IDUA: variants seen among roughly 807,000 people sequenced by gnomAD.
IDUA encodes alpha-L-iduronidase.
A neutral mutation model predicts 68.9 loss-of-function variants in IDUA; 65 were observed. That is an observed-to-expected ratio of 0.94 (90% CI 0.77 to 1.16). The LOEUF is 1.16. IDUA is among the 50% of genes most tolerant of loss of function. The probability of loss-of-function intolerance (pLI) is 0.00; values close to 1 mark genes in which losing one functional copy is unlikely to be tolerated. For missense variants in IDUA, 1,046 were observed against 938.0 expected, an observed-to-expected ratio of 1.12 and a Z score of -1.50; for synonymous variants, 529 against 433.6, an observed-to-expected ratio of 1.22 and a Z score of -2.73.
At chr4:988,134 A>G (rs1311241863) in intron 2 of IDUA, 185 bp downstream of exon 2, 12 of 1,410,102 alleles carry the variant, frequency 8.5e-6, no homozygotes, top group Non-Finnish European at 1.1e-5. Context: ...GAGCCCCTGC[A>G]TGGGGCACGG....
At chr4:997,394 C>T (rs1198221507) in intron 2 of IDUA, among the ~76,000 whole-genome samples, 2 of 151,146 alleles carry the variant, frequency 1.3e-5, no homozygotes, top group East Asian at 2.0e-4. Flanking sequence ...GCGGTCTCCC[C>T]CCACCGCCTG....
chr4:1,002,793 G>C lies in IDUA; in HGVS notation c.1251G>C (p.Thr417=). Residue 417 remains threonine (T), a synonymous_variant, in exon 9 of 14, where the codon ACG becomes ACC. Coordinates refer to ENST00000514224, the MANE Select transcript of IDUA (RefSeq NM_000203.5). Reference sequence around the variant, plus strand: ...GGACCGTCCTGGACAGCAACCACACGGTGGGCGTCCTGGCCAGCGCCCACC... The same window carrying C: ...GGACCGTCCTGGACAGCAACCACACCGTGGGCGTCCTGGCCAGCGCCCACC... ...QAGTVLDSNH[T]VGVLASAHRP... is the part of the protein sequence containing the mutation. 2 of 1,468,342 alleles carry C rather than the reference G, an allele frequency of 1.4e-6. No homozygotes were observed. Among genetic ancestry groups the C allele is most frequent in the Non-Finnish European group, 1.8e-6 (2 of 1,115,780 alleles). The allele number at this position is 1,468,342 out of a possible 1,614,324, so 91.0% of individuals were successfully genotyped here. A position where few individuals can be genotyped will look rare whatever the true frequency, so the allele number is the denominator to read the frequency against.
At chr4:998,498 C>T (rs911320338) in intron 2 of IDUA, among the ~76,000 whole-genome samples, 1 of 152,192 alleles carries the variant, frequency 6.6e-6, no homozygotes, top group Non-Finnish European at 1.5e-5. Context: ...GGCAGCTGTG[C>T]TCACCTGCGT....
intron 2 of IDUA, chr4:991,440 G>C: frequency 1.9e-6 from 3 of 1,612,788 alleles, no homozygotes; most frequent in Non-Finnish European, 2.5e-6. Flanking sequence ...ATGAGTAGGC[G>C]ATGGCCTGCG....
chr4:1,001,736 T>C lies in IDUA; in HGVS notation c.647T>C (p.Leu216Pro), dbSNP rs748589618. 6.3e-7 allele frequency: 1 copy of C among 1,599,202 alleles called. No individual in the cohort carries two copies. The highest frequency in any genetic ancestry group is 8.5e-7 in the Non-Finnish European group (1 of 1,178,344). ...GGTCTGCGCGCCGCCAGCCCCGCCC[T>C]GCGGCTGGGAGGCCCCGGCGACTCC... Reference protein sequence around the residue: ...SEGLRAASPALRLGGPGDSFH... With the variant: ...SEGLRAASPAPRLGGPGDSFH... Residue 216 changes from leucine (L) to proline (P), a missense_variant, in exon 6 of 14, where the codon CTG becomes CCG. By Grantham distance (98) the Leu-to-Pro change is moderately conservative. Transcript: ENST00000514224.
In IDUA at chr4:1,002,714, C is replaced by A. The variant is rs770175809; in HGVS notation, c.1190-18C>A. The A allele has an allele frequency of 5.8e-6, 7 of 1,204,620 alleles. No individual in the cohort carries two copies. The highest frequency in any genetic ancestry group is 7.7e-6 in the Non-Finnish European group (7 of 909,002). The allele number at this position is 1,204,620 out of a possible 1,614,324, so 74.6% of individuals were successfully genotyped here. On this transcript the variant is annotated intron_variant, in intron 8 of 13. Coordinates refer to ENST00000514224, the MANE Select transcript of IDUA (RefSeq NM_000203.5). Reference sequence around the variant, plus strand: ...GGGCAACGACCCCACGCGGCGACGGCCCCCCCCCGCCCCGCAGATGAGGAG... The same window carrying A: ...GGGCAACGACCCCACGCGGCGACGGACCCCCCCCGCCCCGCAGATGAGGAG...
chr4:988,002 T>TGGGAG, intron 2 of IDUA, 53 bp downstream of exon 2: 1 of 1,521,666 alleles, frequency 6.6e-7, no homozygotes, highest in East Asian at 2.5e-5. Flanking sequence ...GAGGCACAGA[T>TGGGAG]GGGAGGGGAG....
chr4:1,001,340 A>G, intron 4 of IDUA, 128 bp from the exon 5 acceptor site: 1 of 850,238 alleles, frequency 1.2e-6, no homozygotes, highest in Non-Finnish European at 2.0e-6. Context: ...GTGGGGCGGG[A>G]GGCTGGCCTG....
rs200360255 is a variant in IDUA, at chr4:989,038, C to T, written c.299+1089C>T. 3.5e-5 allele frequency: 55 copies of T among 1,581,094 alleles called. No individual in the cohort carries two copies. In the East Asian group the frequency reaches 8.4e-4, roughly 24 times the overall value. ...GATGCCCAGGGCCCCGTAGTCTCGG[C>T]GCAGGTCCTGCAGCGTGCTCACACC... On this transcript the variant is annotated intron_variant, in intron 2 of 13. Transcript: ENST00000514224.
chr4:1,001,694 ACGATGCCTGCTCGGAGGGTCTGCG>A lies in IDUA; in HGVS notation c.608_631del (p.Asp203_Arg210del). On this transcript the variant is annotated inframe_deletion, in exon 6 of 14. Coordinates refer to ENST00000514224, the MANE Select transcript of IDUA (RefSeq NM_000203.5). ...CCCGGCCCAGGCTTCCTGAACTACTACGATGCCTGCTCGGAGGGTCTGCGCGCCGCCAGCCCCGCCCTGCGGCTG... is the reference window on the plus strand; with the variant it reads ...CCCGGCCCAGGCTTCCTGAACTACTACGCCGCCAGCCCCGCCCTGCGGCTG... 6.2e-7 allele frequency: 1 copy of A among 1,600,728 alleles called. No homozygotes were observed. The highest frequency in any genetic ancestry group is 8.5e-7 in the Non-Finnish European group (1 of 1,179,002).
At chr4:1,001,402 T>G in intron 4 of IDUA, 66 bp from the exon 5 acceptor site, 1 of 1,332,224 alleles carries the variant, frequency 7.5e-7, no homozygotes, top group Admixed American at 1.7e-5. Context: ...CCTTGCACCC[T>G]CCCTCCGTGG....
intron 2 of IDUA, chr4:999,749 C>G (rs1714964129): frequency 1.7e-5 from 2 of 120,252 alleles, no homozygotes; most frequent in Admixed American, 1.6e-4. Context: ...GCCCCCTTCT[C>G]CCTTGAGGAC....
Position 989,317 on chromosome 4 carries a change from C to T in IDUA, c.299+1368C>T, listed in dbSNP as rs376289512. The T allele has an allele frequency of 1.5e-4, 238 of 1,610,816 alleles. No individual in the cohort carries two copies. The highest frequency in any genetic ancestry group is 4.9e-4 in the Middle Eastern group (3 of 6,078). Reference sequence around the variant, plus strand: ...GGCATAGTACAGCGGCCCCCCAAAGCGGAACACCCGCACGCCGGGCTCAGG... The same window carrying T: ...GGCATAGTACAGCGGCCCCCCAAAGTGGAACACCCGCACGCCGGGCTCAGG... On this transcript the variant is annotated intron_variant, in intron 2 of 13. Transcript: ENST00000514224.
At chr4:1,001,360 G>A in intron 4 of IDUA, 108 bp from the exon 5 acceptor site, 2 of 933,138 alleles carry the variant, frequency 2.1e-6, no homozygotes, top group South Asian at 1.3e-5. Flanking sequence ...GCATGGAGAT[G>A]GGGTTCATCT....
Position 1,003,170 on chromosome 4 carries a change from C to A in IDUA, c.1524+13C>A, listed in dbSNP as rs774034994. The A allele has an allele frequency of 9.6e-6, 10 of 1,038,668 alleles. No individual in the cohort carries two copies. The highest frequency in any genetic ancestry group is 1.2e-5 in the Non-Finnish European group (10 of 866,408). 64.3% of individuals were successfully genotyped at this position (1,038,668 alleles called of 1,614,324 possible). ...GCGCGCGGCTGAGGTAGGTGGGCCG[C>A]GGAGGGGCGAGGGGCCGGGCCGGGC... On this transcript the variant is annotated intron_variant, in intron 10 of 13. Coordinates refer to ENST00000514224, the MANE Select transcript of IDUA (RefSeq NM_000203.5).
At chr4:992,277 T>C (rs1250784509) in intron 2 of IDUA, 2 of 445,032 alleles carry the variant, frequency 4.5e-6, no homozygotes, top group Non-Finnish European at 9.1e-6. Flanking sequence ...ACCAGAGCCC[T>C]CCCTCCCCCA....
chr4:1,002,943 G>A lies in IDUA; in HGVS notation c.1401G>A (p.Pro467=), dbSNP rs1005671672. ...TLRLRGVPPG[P]GLVYVTRYLD... ...GGCTGCGCGGGGTGCCCCCCGGCCC[G>A]GGTAAGCCGGGGTTCCAGGGAGGTC... The change falls in exon 9 of 14, where the codon CCG becomes CCA. Residue 467 remains proline (P), a splice_region_variant and synonymous_variant. Coordinates refer to ENST00000514224, the MANE Select transcript of IDUA (RefSeq NM_000203.5). 7 of 1,360,504 alleles carry A rather than the reference G, an allele frequency of 5.1e-6. No individual in the cohort carries two copies. The South Asian group carries it at 8.9e-5, about 17-fold the overall frequency. The allele number at this position is 1,360,504 out of a possible 1,614,324, so 84.3% of individuals were successfully genotyped here. A position where few individuals can be genotyped will look rare whatever the true frequency, so the allele number is the denominator to read the frequency against.
At chr4:990,160 T>C in intron 2 of IDUA, 1 of 1,563,682 alleles carries the variant, frequency 6.4e-7, no homozygotes, top group East Asian at 2.4e-5. Context: ...GTCGCACACG[T>C]TGGCCTGCCC....
At chr4:990,216 C>T (rs1222709723) in intron 2 of IDUA, 5 of 1,565,486 alleles carry the variant, frequency 3.2e-6, no homozygotes, top group Non-Finnish European at 4.3e-6. Context: ...CCATGCCGGG[C>T]CCCTGGTGCC....
Sources: gnomAD v4.1 joint callset for allele counts (sites outside exome capture counted in the v4.1 genomes callset) on GRCh38, gnomAD v4.1.1 for gene constraint, MANE v1.5 for transcripts, NCBI Gene and HGNC (gene_info 2026-07-23, HGNC 2026-07-21) for gene names.